The following SYNRG variants were observed in gnomAD, a reference collection of about 807,000 sequenced individuals.
SYNRG encodes the protein AP1 gamma subunit binding protein 1.
Under a neutral mutation model 130.9 loss-of-function variants are expected in SYNRG, and 37 were observed. The ratio of observed to expected loss-of-function variants is 0.28; its 90% CI spans 0.22 to 0.37. SYNRG has a LOEUF of 0.37. Among genes scored for constraint, SYNRG ranks in the 10% least tolerant of loss-of-function variants. The pLI, the probability that SYNRG is intolerant of heterozygous loss-of-function variation, is 1.00. For synonymous variants in SYNRG, 539 were observed against 568.1 expected, an observed-to-expected ratio of 0.95 and a Z score of 0.73; for missense variants, 1,338 against 1,588.9, an observed-to-expected ratio of 0.84 and a Z score of 2.68.
At chr17:37,525,776 G>A (rs145885981) in intron 19 of SYNRG, among the ~76,000 whole-genome samples, 13,570 of 152,264 alleles carry the variant, frequency 0.089, 715 homozygotes, top group East Asian at 0.13. Context: ...GACCAGCCTG[G>A]CCAACATGGT....
At chr17:37,605,186 GT>G (rs1175691050) in intron 1 of SYNRG, among the ~76,000 whole-genome samples, 1 of 152,186 alleles carries the variant, frequency 6.6e-6, no homozygotes, top group Non-Finnish European at 1.5e-5. Flanking sequence ...CTGCAATGAG[GT>G]ATGCCTGTAT....
At chr17:37,534,747 A>G (rs917345765) in intron 19 of SYNRG, among the ~76,000 whole-genome samples, 1 of 152,196 alleles carries the variant, frequency 6.6e-6, no homozygotes, top group Non-Finnish European at 1.5e-5. Flanking sequence ...TTAATATTAC[A>G]AACCAGAAGC....
intron 5 of SYNRG, 115 bp downstream of exon 5, chr17:37,585,210 T>G (rs2061604102): frequency 1.3e-6 from 1 of 798,178 alleles, no homozygotes; most frequent in Non-Finnish European, 2.0e-6. Flanking sequence ...ATGAGAAGAA[T>G]CAATCACAGC....
At chr17:37,594,427 T>C (rs1278095406) in intron 3 of SYNRG, among the ~76,000 whole-genome samples, 1 of 149,838 alleles carries the variant, frequency 6.7e-6, no homozygotes, top group African/African-American at 2.4e-5. Flanking sequence ...TATTCTATGG[T>C]AGATTGTTTT....
At chr17:37,594,690 G>T (rs1364555694) in intron 3 of SYNRG, among the ~76,000 whole-genome samples, 1 of 152,122 alleles carries the variant, frequency 6.6e-6, no homozygotes, top group Non-Finnish European at 1.5e-5. Context: ...TCGATCTCCT[G>T]AACTCATGAT....
chr17:37,539,351 T>G, intron 16 of SYNRG, 106 bp from the exon 17 acceptor site: 1 of 1,142,662 alleles, frequency 8.8e-7, no homozygotes, highest in South Asian at 1.4e-5. Context: ...TTTATTACGA[T>G]CACTCTAGTT....
intron 14 of SYNRG, among the ~76,000 whole-genome samples, chr17:37,545,659 G>A (rs772036581): frequency 4.0e-5 from 6 of 151,494 alleles, no homozygotes; most frequent in African/African-American, 4.9e-5. Flanking sequence ...AAAATGATAC[G>A]CCTGTAACAT....
At chr17:37,523,220 T>G (rs768783986) in intron 19 of SYNRG, among the ~76,000 whole-genome samples, 26 of 152,050 alleles carry the variant, frequency 1.7e-4, no homozygotes, top group African/African-American at 5.6e-4. Context: ...TGCAGGGGCG[T>G]GTGTGATCAT....
chr17:37,543,553 AGAG>A (rs987541358), intron 14 of SYNRG, among the ~76,000 whole-genome samples: 1 of 152,190 alleles, frequency 6.6e-6, no homozygotes, highest in African/African-American at 2.4e-5. Context: ...TAAAATGAGG[AGAG>A]GAGAAGACCA....
At chr17:37,535,837 C>A in intron 19 of SYNRG, 142 bp downstream of exon 19, 1 of 1,149,872 alleles carries the variant, frequency 8.7e-7, no homozygotes, top group Non-Finnish European at 1.3e-6. Context: ...GACCACACAC[C>A]TGTGATCTCC....
rs1429825755 is a variant in SYNRG at position 37,515,111 on chromosome 17, A to G, written c.*3829T>C. 2 of 152,230 alleles carry G rather than the reference A, an allele frequency of 1.3e-5. No individual in the cohort carries two copies. The highest frequency in any genetic ancestry group is 4.8e-5 in the African/African-American group (2 of 41,458). 9.4% of individuals were successfully genotyped at this position (152,230 alleles called of 1,614,324 possible). ...TTTAACCACTTACATTCACGTCAAC[A>G]TATAAATAATGGAATTAAGTAAAAA... On this transcript the variant is annotated 3_prime_UTR_variant, in exon 22 of 22. Coordinates refer to ENST00000612223, the MANE Select transcript of SYNRG (RefSeq NM_007247.6).
At chr17:37,541,024 T>C in intron 15 of SYNRG, 4 of 986,880 alleles carry the variant, frequency 4.1e-6, no homozygotes, top group Non-Finnish European at 4.8e-6. Context: ...GTTAAATCTT[T>C]TCTACTGTTC....
intron 9 of SYNRG, 143 bp downstream of exon 9, chr17:37,571,648 C>A: frequency 1.4e-6 from 1 of 728,244 alleles, no homozygotes; most frequent in South Asian, 2.7e-5. Context: ...ATCTTATAAA[C>A]TCTACATTTT....
rs1221742658 is a variant in SYNRG at position 37,554,172 on chromosome 17, A to G, written c.1664-113T>C. 7.8e-6 allele frequency: 7 copies of G among 902,768 alleles called. No homozygotes were observed. In the East Asian group the frequency reaches 1.9e-4, roughly 24 times the overall value. The allele number at this position is 902,768 out of a possible 1,614,324, so 55.9% of individuals were successfully genotyped here. A position where few individuals can be genotyped will look rare whatever the true frequency, so the allele number is the denominator to read the frequency against. ...ACTGACTTTTCTCCACTGACTTGAC[A>G]TTACTTAATAATGTTTACATACTTT... On this transcript the variant is annotated intron_variant, in intron 13 of 21. Coordinates refer to ENST00000612223, the MANE Select transcript of SYNRG (RefSeq NM_007247.6).
At chr17:37,605,096 T>C (rs2063632439) in intron 1 of SYNRG, among the ~76,000 whole-genome samples, 1 of 152,196 alleles carries the variant, frequency 6.6e-6, no homozygotes, top group East Asian at 1.9e-4. Flanking sequence ...ACACAGGCTG[T>C]GGAAAAATTG....
intron 14 of SYNRG, among the ~76,000 whole-genome samples, chr17:37,544,094 T>C (rs1031096809): frequency 3.3e-5 from 5 of 152,230 alleles, no homozygotes; most frequent in African/African-American, 1.2e-4. Flanking sequence ...GCTCTTCTAA[T>C]GGTATAATCC....
chr17:37,602,534 A>G (rs1004403533), intron 1 of SYNRG, among the ~76,000 whole-genome samples: 6 of 152,340 alleles, frequency 3.9e-5, no homozygotes, highest in African/African-American at 1.4e-4. Flanking sequence ...GGAAGTAGTT[A>G]CCAGTGTCTA....
At chr17:37,592,240 C>A (rs976916278) in intron 3 of SYNRG, among the ~76,000 whole-genome samples, 1 of 152,088 alleles carries the variant, frequency 6.6e-6, no homozygotes, top group Non-Finnish European at 1.5e-5. Flanking sequence ...CAAATTAAAA[C>A]CATGAGATAT....
intron 1 of SYNRG, among the ~76,000 whole-genome samples, chr17:37,606,558 A>G (rs941743177): frequency 2.6e-5 from 4 of 152,204 alleles, no homozygotes; most frequent in Admixed American, 2.0e-4. Flanking sequence ...TTAATTCATT[A>G]CAGCATCAAG....
Sources: allele counts gnomAD v4.1 joint callset (sites outside exome capture counted in the v4.1 genomes callset), GRCh38; gene constraint gnomAD v4.1.1; transcripts MANE v1.5; gene names NCBI Gene and HGNC (gene_info 2026-07-23, HGNC 2026-07-21).